The following FAM13B variants were observed in gnomAD, a reference collection of about 807,000 sequenced individuals.
FAM13B encodes family with sequence similarity 13 member B.
In FAM13B, 60 loss-of-function variants were observed where a neutral mutation model predicts 117.3. That is an observed-to-expected ratio of 0.51 (90% CI 0.42 to 0.63). The LOEUF is 0.63. FAM13B is among the 30% of genes least tolerant of loss of function. The pLI, the probability that FAM13B is intolerant of heterozygous loss-of-function variation, is 0.00. For missense variants in FAM13B, 972 were observed against 1,091.9 expected (o/e 0.89, Z 1.55); for synonymous variants, 332 against 356.1 (o/e 0.93, Z 0.76).
intron 4 of FAM13B, 112 bp downstream of exon 4, chr5:138,018,190 C>A (rs368895412): frequency 2.1e-6 from 2 of 946,468 alleles, no homozygotes; most frequent in Non-Finnish European, 3.1e-6. Flanking sequence ...GAGAAAATAA[C>A]AAATTAATCT....
intron 22 of FAM13B, chr5:137,942,591 G>C: frequency 2.9e-6 from 1 of 348,964 alleles, no homozygotes; most frequent in Non-Finnish European, 5.2e-6. Context: ...TTGAACTCCT[G>C]GCCTCAAGGG....
intron 1 of FAM13B, among the ~76,000 whole-genome samples, chr5:138,042,969 G>A (rs1174555965): frequency 6.6e-6 from 1 of 152,140 alleles, no homozygotes; most frequent in Admixed American, 6.6e-5. Context: ...GCGCATGCCT[G>A]TAGTCCCAGC....
upstream of FAM13B, chr5:138,036,346 GAAGCTCTCAGGC>G (rs1325998176): frequency 1.1e-5 from 5 of 455,676 alleles, no homozygotes; most frequent in Admixed American, 1.2e-4. Flanking sequence ...TGGTCCACAG[GAAGCTCTCAGGC>G]ACCTCTTGCC....
chr5:137,992,061 A>G (rs1270029804), intron 7 of FAM13B, among the ~76,000 whole-genome samples: 1 of 151,874 alleles, frequency 6.6e-6, no homozygotes, highest in Non-Finnish European at 1.5e-5. Context: ...GTGGGACTAC[A>G]GGCACATGCC....
intron 6 of FAM13B, 42 bp downstream of exon 6, chr5:138,010,966 A>AG: frequency 7.1e-7 from 1 of 1,406,338 alleles, no homozygotes; most frequent in East Asian, 2.7e-5. Flanking sequence ...TTAAAAAAAA[A>AG]AAAAAAAAAA....
At chr5:137,979,390 C>A (rs1774988631) in intron 10 of FAM13B, among the ~76,000 whole-genome samples, 1 of 152,124 alleles carries the variant, frequency 6.6e-6, no homozygotes, top group Non-Finnish European at 1.5e-5. Context: ...CCAGTCTTTC[C>A]CACAAACTTT....
intron 4 of FAM13B, among the ~76,000 whole-genome samples, chr5:138,012,238 T>TA (rs397999361): frequency 6.7e-6 from 1 of 148,264 alleles, no homozygotes; most frequent in African/African-American, 2.5e-5. Flanking sequence ...TTTTTTTTTT[T>TA]AATTCTCATC....
chr5:137,944,899 G>A lies in FAM13B; in HGVS notation c.2340+1003C>T, dbSNP rs150422183. Among the ~76,000 whole-genome samples the A allele has an allele frequency of 6.6e-5, 10 of 151,402 alleles. No individual in the cohort carries two copies. The East Asian group carries it at 1.7e-3, about 26-fold the overall frequency. ...CATCTATAAGTGGGAGCTAAACATCGGGTACTCATGGACATAAAAAAAAGG... is the reference window on the plus strand; with the variant it reads ...CATCTATAAGTGGGAGCTAAACATCAGGTACTCATGGACATAAAAAAAAGG... On this transcript the variant is annotated intron_variant, in intron 20 of 23. Coordinates refer to ENST00000689681, the MANE Select transcript of FAM13B (RefSeq NM_001385994.1).
At chr5:138,003,463 G>A (rs1164434584) in intron 7 of FAM13B, among the ~76,000 whole-genome samples, 1 of 152,046 alleles carries the variant, frequency 6.6e-6, no homozygotes. Context: ...CACTTTATCA[G>A]CCAAAACTAA....
chr5:137,954,884 T>C (rs1226991789), intron 14 of FAM13B, among the ~76,000 whole-genome samples: 2 of 152,046 alleles, frequency 1.3e-5, no homozygotes, highest in African/African-American at 4.8e-5. Flanking sequence ...AGCCTCTCAG[T>C]GTGCAGGGAT....
chr5:138,011,018 A>G lies in FAM13B; in HGVS notation c.680T>C (p.Ile227Thr). 2 of 1,597,466 alleles carry G rather than the reference A, an allele frequency of 1.3e-6. No homozygotes were observed. Among genetic ancestry groups the G allele is most frequent in the Non-Finnish European group, 1.7e-6 (2 of 1,176,490 alleles). The change falls in exon 6 of 24, where the codon ATT becomes ACT. Residue 227 changes from isoleucine (I) to threonine (T), a missense_variant. Ile to Thr is a moderately conservative substitution (Grantham distance 89). Transcript: ENST00000689681. ...ATAGAATATTCTCACCTGTTCAGTA[A>G]TTGAACTCAAATCATTAGATGAAAA... ...EDFSSNDLSS[I>T]TEQVNELSEE...
At chr5:137,984,171 A>G (rs1776568224) in intron 10 of FAM13B, among the ~76,000 whole-genome samples, 1 of 152,208 alleles carries the variant, frequency 6.6e-6, no homozygotes, top group Non-Finnish European at 1.5e-5. Context: ...AGAACATGCC[A>G]CACCAAATTA....
At position 138,011,118 on chromosome 5, in the gene FAM13B, G is replaced by A; in HGVS notation, c.580C>T (p.Gln194Ter). ...IYTDVEDMKE[Q>*]EIVSRIMAGL... Reference sequence around the variant, plus strand: ...GCCATTATCCTGCTCACTATTTCTTGCTCTTTCATGTCTTCCACATCTGTG... The same window carrying A: ...GCCATTATCCTGCTCACTATTTCTTACTCTTTCATGTCTTCCACATCTGTG... The change falls in exon 6 of 24, where the codon CAA becomes TAA. Residue 194 changes from glutamine (Q) to a stop codon, truncating the protein, a stop_gained. Coordinates refer to ENST00000689681, the MANE Select transcript of FAM13B (RefSeq NM_001385994.1). LOFTEE classifies it high-confidence loss of function. 6.2e-7 allele frequency: 1 copy of A among 1,607,198 alleles called. No homozygotes were observed. Among genetic ancestry groups the A allele is most frequent in the Non-Finnish European group, 8.5e-7 (1 of 1,178,564 alleles).
chr5:138,035,138 G>C (rs1791027236), upstream of FAM13B, among the ~76,000 whole-genome samples: 2 of 149,986 alleles, frequency 1.3e-5, no homozygotes, highest in South Asian at 4.2e-4. Flanking sequence ...CTAGTCTCCT[G>C]AGTAGCTGGG....
intron 1 of FAM13B, among the ~76,000 whole-genome samples, chr5:138,030,540 A>G (rs2151072922): frequency 6.6e-6 from 1 of 151,588 alleles, no homozygotes; most frequent in Non-Finnish European, 1.5e-5. Flanking sequence ...AGCCTGGCTT[A>G]CCACAAGTTT....
chr5:138,034,970 C>T (rs1790963308), upstream of FAM13B, among the ~76,000 whole-genome samples: 1 of 133,316 alleles, frequency 7.5e-6, no homozygotes, highest in South Asian at 2.5e-4. Flanking sequence ...AAGATGTAAG[C>T]TCCCAGAGGG....
chr5:137,998,399 CTTT>C (rs1300277175), intron 7 of FAM13B, among the ~76,000 whole-genome samples: 2 of 152,162 alleles, frequency 1.3e-5, no homozygotes, highest in Non-Finnish European at 2.9e-5. Context: ...GAGTACATTT[CTTT>C]TTTAATATTC....
At chr5:137,954,037 CTCTCT>C in intron 15 of FAM13B, 124 bp downstream of exon 15, 1 of 628,668 alleles carries the variant, frequency 1.6e-6, no homozygotes, top group Non-Finnish European at 2.7e-6. Context: ...GACTCAATCT[CTCTCT>C]TTTTTTTTTT....
intron 16 of FAM13B, 121 bp from the exon 17 acceptor site, chr5:137,952,830 T>C (rs558115653): frequency 3.1e-5 from 19 of 618,748 alleles, no homozygotes; most frequent in Admixed American, 1.8e-4. Context: ...TTTCATCTTA[T>C]TTTAATTAGA....
Sources: gnomAD v4.1 joint callset for allele counts (sites outside exome capture counted in the v4.1 genomes callset) on GRCh38, gnomAD v4.1.1 for gene constraint, MANE v1.5 for transcripts, NCBI Gene and HGNC (gene_info 2026-07-23, HGNC 2026-07-21) for gene names.